ERAP1: variants seen among roughly 807,000 people sequenced by gnomAD.
ERAP1 encodes endoplasmic reticulum aminopeptidase 1, also known as adipocyte-derived leucine aminopeptidase.
ERAP1 carries 86 observed loss-of-function variants against 103.7 expected under a neutral mutation model. The observed-to-expected ratio is 0.83, with a 90% CI of 0.70 to 0.99. The LOEUF (loss-of-function observed/expected upper bound fraction) is 0.99, where lower values mean the gene tolerates loss of function less well. ERAP1 is among the 50% of genes least tolerant of loss of function. The pLI is 0.00. For synonymous variants in ERAP1, 398 were observed against 402.4 expected, an observed-to-expected ratio of 0.99 and a Z score of 0.13; for missense variants, 1,009 against 1,128.4, an observed-to-expected ratio of 0.89 and a Z score of 1.52.
the ERAP1 span, among the ~76,000 whole-genome samples, chr5:96,815,455 G>T: frequency 7.4e-6 from 1 of 135,236 alleles, no homozygotes; most frequent in South Asian, 2.3e-4. Flanking sequence ...CTTGTTGCCC[G>T]GGCTGGAGTG....
chr5:96,923,135 G>T, the ERAP1 span, among the ~76,000 whole-genome samples: 1 of 152,110 alleles, frequency 6.6e-6, no homozygotes, highest in African/African-American at 2.4e-5. Flanking sequence ...CACAATGGCT[G>T]TCTAATTTTT....
the ERAP1 span, chr5:96,935,839 C>T: frequency 2.8e-6 from 1 of 360,038 alleles, no homozygotes; most frequent in Non-Finnish European, 5.1e-6. Flanking sequence ...CCGGGGAGAG[C>T]GCCGCAGCCG....
the ERAP1 span, chr5:96,881,241 A>T: frequency 5.5e-6 from 2 of 366,390 alleles, no homozygotes; most frequent in African/African-American, 4.2e-5. Flanking sequence ...TATGTTATAG[A>T]GAAGCAGAGT....
At chr5:96,768,095 C>A in intron 19 of ERAP1, 3 of 844,668 alleles carry the variant, frequency 3.6e-6, no homozygotes, top group South Asian at 1.4e-5. Context: ...ATCTATCGGT[C>A]TGTCTTGTAA....
the ERAP1 span, among the ~76,000 whole-genome samples, chr5:96,883,201 C>T: frequency 6.6e-6 from 1 of 152,166 alleles, no homozygotes; most frequent in African/African-American, 2.4e-5. Context: ...TCCCAGAGCT[C>T]CCTGGGAATC....
chr5:96,798,287 T>A (rs1777576518), intron 3 of ERAP1, among the ~76,000 whole-genome samples: 1 of 133,744 alleles, frequency 7.5e-6, no homozygotes. Flanking sequence ...ATCACGCCAC[T>A]GCACTCCAGC....
the ERAP1 span, chr5:96,917,634 C>G: frequency 2.5e-6 from 4 of 1,569,170 alleles, no homozygotes; most frequent in East Asian, 9.4e-5. Context: ...AGGCTGGGCG[C>G]GGTGGCTCAC....
At position 96,803,682 on chromosome 5, in the gene ERAP1, A is replaced by C; in HGVS notation, c.245T>G (p.Val82Gly). The C allele has an allele frequency of 6.2e-7, 1 of 1,614,158 alleles. No individual in the cohort carries two copies. Among genetic ancestry groups the C allele is most frequent in the Non-Finnish European group, 8.5e-7 (1 of 1,180,028 alleles). ...GGTGGGCTGACTGGCTGTGATTTCT[A>C]CTTTCGTGGTTCCCCAGAAGGTCAG... ...TTLTFWGTTK[V>G]EITASQPTST... Residue 82 changes from valine (V) to glycine (G), a missense_variant, in exon 2 of 19, where the codon GTA (valine) becomes GGA (glycine). By Grantham distance (109) the Val-to-Gly change is moderately radical (BLOSUM62 -3). Around this residue, in one of 3 missense-constraint regions of ERAP1, gnomAD observed 392 missense variants for 455.2 expected, o/e 0.86. Transcript: ENST00000443439.
chr5:96,804,300 G>T (rs1409801011), intron 1 of ERAP1: 1 of 333,554 alleles, frequency 3.0e-6, no homozygotes, highest in Non-Finnish European at 5.7e-6. Flanking sequence ...GGGTCACAGA[G>T]TTGCAGGACA....
At chr5:96,903,313 T>A in the ERAP1 span, 1 of 1,275,516 alleles carries the variant, frequency 7.8e-7, no homozygotes, top group African/African-American at 1.5e-5. Context: ...AAAATAACAG[T>A]TCTGGAGATG....
chr5:96,792,589 T>C (rs982460197), intron 7 of ERAP1, among the ~76,000 whole-genome samples: 16 of 152,132 alleles, frequency 1.1e-4, no homozygotes, highest in African/African-American at 3.6e-4. Context: ...TGAAAATAAA[T>C]GGAGAACCTT....
At chr5:96,830,373 T>C in the ERAP1 span, among the ~76,000 whole-genome samples, 4 of 152,202 alleles carry the variant, frequency 2.6e-5, no homozygotes, top group Admixed American at 1.3e-4. Context: ...TACCCAATGA[T>C]TCCCCCACTC....
the ERAP1 span, among the ~76,000 whole-genome samples, chr5:96,827,624 C>T: frequency 2.3e-4 from 35 of 152,206 alleles, no homozygotes; most frequent in South Asian, 2.1e-4. Flanking sequence ...GAGATCACCC[C>T]GCTGCACTCC....
the ERAP1 span, chr5:96,915,666 T>C: frequency 1.4e-6 from 2 of 1,451,218 alleles, no homozygotes; most frequent in Non-Finnish European, 9.3e-7. Flanking sequence ...TGACTTTCTA[T>C]GGTGTTTCTT....
chr5:96,899,220 T>A, the ERAP1 span, among the ~76,000 whole-genome samples: 1 of 109,632 alleles, frequency 9.1e-6, no homozygotes, highest in African/African-American at 3.5e-5. Flanking sequence ...AAATCAGTAC[T>A]TAAAATTTGT....
chr5:96,855,268 AC>A, the ERAP1 span, among the ~76,000 whole-genome samples: 1 of 152,324 alleles, frequency 6.6e-6, no homozygotes, highest in South Asian at 2.1e-4. Flanking sequence ...AACAAATGTA[AC>A]CCTTATTTCC....
At chr5:96,906,519 C>T in the ERAP1 span, among the ~76,000 whole-genome samples, 3 of 152,170 alleles carry the variant, frequency 2.0e-5, no homozygotes, top group Admixed American at 6.5e-5. Flanking sequence ...CCTCCTGCCT[C>T]GGCTTCCCCA....
At chr5:96,811,555 G>C (rs1342773571), upstream of ERAP1, among the ~76,000 whole-genome samples, 2 of 152,222 alleles carry the variant, frequency 1.3e-5, no homozygotes, top group African/African-American at 2.4e-5. Context: ...AGCTCCAGCT[G>C]TCCTGAGCAA....
chr5:96,828,881 T>C, the ERAP1 span, among the ~76,000 whole-genome samples: 1 of 152,194 alleles, frequency 6.6e-6, no homozygotes. Flanking sequence ...GGGGTGTCAC[T>C]CTGTCACCAG....
Sources: gnomAD v4.1 joint callset for allele counts (sites outside exome capture counted in the v4.1 genomes callset) on GRCh38, gnomAD v4.1.1 for gene constraint, gnomAD v4.1.1 regional missense constraint, MANE v1.5 for transcripts, NCBI Gene and HGNC (gene_info 2026-07-23, HGNC 2026-07-21) for gene names.